Variants in DNAH14 observed in about 807,000 individuals in gnomAD.
DNAH14 encodes the protein dynein axonemal heavy chain 14, also known as axonemal beta dynein heavy chain 14.
A neutral mutation model predicts 520.9 loss-of-function variants in DNAH14; 478 were observed. The observed-to-expected ratio is 0.92, with a 90% CI of 0.85 to 0.99. The LOEUF (loss-of-function observed/expected upper bound fraction) is 0.99, where lower values mean the gene tolerates loss of function less well. Ranked by LOEUF, DNAH14 falls within the 50% of genes least tolerant of loss-of-function variation. The probability of loss-of-function intolerance (pLI) is 0.00; values close to 1 mark genes in which losing one functional copy is unlikely to be tolerated. For missense variants in DNAH14, 4,831 were observed against 5,234.5 expected, an observed-to-expected ratio of 0.92 and a Z score of 2.38; for synonymous variants, 1,581 against 1,757.2, an observed-to-expected ratio of 0.90 and a Z score of 2.51.
chr1:225,006,323 A>G (rs986960808), intron 9 of DNAH14, among the ~76,000 whole-genome samples: 1 of 152,222 alleles, frequency 6.6e-6, no homozygotes, highest in African/African-American at 2.4e-5. Flanking sequence ...CACCTTGAAA[A>G]AGAACAGGTA....
At chr1:225,115,649 G>C (rs1232640537) in intron 23 of DNAH14, among the ~76,000 whole-genome samples, 2 of 152,134 alleles carry the variant, frequency 1.3e-5, no homozygotes, top group African/African-American at 4.8e-5. Context: ...GCAAGCATAA[G>C]GGGCTGCAGC....
In DNAH14 at chr1:225,079,423, A is replaced by G. The variant is rs918904121; in HGVS notation, c.2641A>G (p.Ser881Gly). The G allele has an allele frequency of 1.2e-5, 19 of 1,549,872 alleles. No individual in the cohort carries two copies. Among genetic ancestry groups the G allele is most frequent in the East Asian group, 7.3e-5 (3 of 40,846 alleles). ...ATTCCAAGTTCTTCTTCTTAAGTTTAGTCAACTAAAATCATCTATGAAGTT... is the reference window on the plus strand; with the variant it reads ...ATTCCAAGTTCTTCTTCTTAAGTTTGGTCAACTAAAATCATCTATGAAGTT... Reference protein sequence around the residue: ...AIFQVLLLKFSQLKSSMKLSK... With the variant: ...AIFQVLLLKFGQLKSSMKLSK... The change falls in exon 18 of 86, where the codon AGT (serine) becomes GGT (glycine). Residue 881 changes from serine to glycine, a missense_variant. Transcript: ENST00000682510.
intron 69 of DNAH14, among the ~76,000 whole-genome samples, chr1:225,342,227 T>G (rs2095200940): frequency 6.6e-6 from 1 of 152,104 alleles, no homozygotes; most frequent in Non-Finnish European, 1.5e-5. Context: ...AGAATATAAT[T>G]TTTGAAAGGG....
intron 42 of DNAH14, among the ~76,000 whole-genome samples, chr1:225,233,496 C>T (rs1388554332): frequency 6.6e-6 from 1 of 152,116 alleles, no homozygotes; most frequent in Non-Finnish European, 1.5e-5. Context: ...TAATAATCAC[C>T]ATTCTGACTG....
At chr1:224,932,318 G>C (rs770660632) in intron 1 of DNAH14, among the ~76,000 whole-genome samples, 1 of 151,954 alleles carries the variant, frequency 6.6e-6, no homozygotes, top group Non-Finnish European at 1.5e-5. Context: ...TGCTTTTCCT[G>C]TTGAGTTGTT....
intron 8 of DNAH14, among the ~76,000 whole-genome samples, chr1:224,977,012 C>T (rs1246605778): frequency 6.6e-6 from 1 of 151,076 alleles, no homozygotes; most frequent in African/African-American, 2.4e-5. Flanking sequence ...GACTATAAAT[C>T]ATGCTGCTAT....
Position 225,117,705 on chromosome 1 carries a change from T to C in DNAH14, c.3889T>C (p.Leu1297=), listed in dbSNP as rs1046949525. Residue 1297 remains leucine (L), a synonymous_variant, in exon 24 of 86, where the codon TTA becomes CTA. Coordinates refer to ENST00000682510, the MANE Select transcript of DNAH14 (RefSeq NM_001367479.1). The part of the protein sequence containing the change: ...SLEDYLEVKR[L]IFPRFYFLSN... ...ACAGGATTACCTTGAAGTTAAAAGA[T>C]TAATTTTCCCAAGATTTTACTTTCT... 1 of 1,547,740 alleles carries C rather than the reference T, an allele frequency of 6.5e-7. No individual in the cohort carries two copies. Among genetic ancestry groups the C allele is most frequent in the Admixed American group, 2.0e-5 (1 of 50,890 alleles).
intron 28 of DNAH14, among the ~76,000 whole-genome samples, chr1:225,142,934 A>T (rs927554422): frequency 5.9e-5 from 9 of 152,208 alleles, no homozygotes; most frequent in African/African-American, 1.9e-4. Flanking sequence ...TCAAATAAAT[A>T]AATTAATTTA....
At chr1:224,955,832 A>G (rs2125524159) in intron 3 of DNAH14, among the ~76,000 whole-genome samples, 1 of 152,226 alleles carries the variant, frequency 6.6e-6, no homozygotes, top group Admixed American at 6.5e-5. Context: ...CAACTTAAAC[A>G]AAACAACCCA....
Position 225,342,824 on chromosome 1 carries a change from C to T in DNAH14, c.10678+2123C>T, listed in dbSNP as rs565011665. 2.6e-5 allele frequency among the ~76,000 whole-genome samples: 4 copies of T among 151,990 alleles called. No homozygotes were observed. The South Asian group carries it at 6.3e-4, about 24-fold the overall frequency. On this transcript the variant is annotated intron_variant, in intron 69 of 85. Coordinates refer to ENST00000682510, the MANE Select transcript of DNAH14 (RefSeq NM_001367479.1). ...TGTGTTAACACTGGAACTTTTGGGG[C>T]GGGGATGCCATGGGTCCCACCCCCA...
intron 41 of DNAH14, among the ~76,000 whole-genome samples, chr1:225,221,898 G>T (rs2090079135): frequency 6.6e-6 from 1 of 152,118 alleles, no homozygotes; most frequent in Non-Finnish European, 1.5e-5. Flanking sequence ...CTCAATTCAG[G>T]GGGTCAACTA....
chr1:225,372,946 T>C (rs1376038760), intron 77 of DNAH14, among the ~76,000 whole-genome samples: 1 of 143,052 alleles, frequency 7.0e-6, no homozygotes, highest in Non-Finnish European at 1.6e-5. Context: ...TAACCAGTAC[T>C]AGTAGGTGAA....
chr1:225,026,436 G>T (rs933669078), intron 11 of DNAH14, among the ~76,000 whole-genome samples: 1 of 152,146 alleles, frequency 6.6e-6, no homozygotes, highest in Admixed American at 6.6e-5. Flanking sequence ...TTTGTAGATG[G>T]TATGAGATAG....
intron 36 of DNAH14, among the ~76,000 whole-genome samples, chr1:225,171,024 G>C (rs1191111425): frequency 6.6e-6 from 1 of 152,130 alleles, no homozygotes; most frequent in East Asian, 1.9e-4. Context: ...TGACTACTGG[G>C]TACATAACGA....
chr1:225,083,500 T>C (rs779974360), intron 20 of DNAH14, among the ~76,000 whole-genome samples: 9 of 152,136 alleles, frequency 5.9e-5, no homozygotes, highest in Non-Finnish European at 5.9e-5. Context: ...ATATGTAATC[T>C]CCTATTCAAT....
chr1:225,301,095 G>A, intron 56 of DNAH14, 65 bp downstream of exon 56: 1 of 1,438,356 alleles, frequency 7.0e-7, no homozygotes, highest in South Asian at 1.4e-5. Context: ...TTATAATTCT[G>A]TACATGATTT....
chr1:225,008,459 C>A (rs1418090036), intron 10 of DNAH14, among the ~76,000 whole-genome samples: 1 of 151,806 alleles, frequency 6.6e-6, no homozygotes, highest in Non-Finnish European at 1.5e-5. Context: ...ATTGTTGAGT[C>A]AAATGGTATT....
chr1:225,029,032 A>T (rs889501802), intron 11 of DNAH14, among the ~76,000 whole-genome samples: 2 of 152,082 alleles, frequency 1.3e-5, no homozygotes, highest in African/African-American at 4.8e-5. Flanking sequence ...ATAATTGTTC[A>T]AATCTGGAAA....
At chr1:225,146,392 C>T (rs2079948033) in intron 30 of DNAH14, among the ~76,000 whole-genome samples, 1 of 152,166 alleles carries the variant, frequency 6.6e-6, no homozygotes, top group Admixed American at 6.5e-5. Flanking sequence ...TTCAGGCACC[C>T]CTCAACTTGC....
Sources: allele counts gnomAD v4.1 joint callset (sites outside exome capture counted in the v4.1 genomes callset), GRCh38; gene constraint gnomAD v4.1.1; transcripts MANE v1.5; gene names NCBI Gene and HGNC (gene_info 2026-07-23, HGNC 2026-07-21).